OPCML: variants seen among roughly 807,000 people sequenced by gnomAD.
OPCML encodes opioid binding protein/cell adhesion molecule like, also known as opioid-binding protein/cell adhesion molecule.
A neutral mutation model predicts 37.8 loss-of-function variants in OPCML; 13 were observed. The ratio of observed to expected loss-of-function variants is 0.34; its 90% CI spans 0.22 to 0.55. The LOEUF (loss-of-function observed/expected upper bound fraction) is 0.55, where lower values mean the gene tolerates loss of function less well. Among genes scored for constraint, OPCML ranks in the 20% least tolerant of loss-of-function variants. The pLI, the probability that OPCML is intolerant of heterozygous loss-of-function variation, is 0.91. For synonymous variants in OPCML, 176 were observed against 168.8 expected (o/e 1.04, Z -0.33); for missense variants, 341 against 435.6 (o/e 0.78, Z 1.93).
intron 3 of OPCML, among the ~76,000 whole-genome samples, chr11:132,651,982 C>T (rs750335280): frequency 6.6e-5 from 10 of 152,108 alleles, no homozygotes; most frequent in Non-Finnish European, 1.0e-4. Context: ...CAACCATAGA[C>T]GGATCTTCTT....
At chr11:133,182,510 G>T (rs1336057884) in intron 1 of OPCML, among the ~76,000 whole-genome samples, 3 of 152,130 alleles carry the variant, frequency 2.0e-5, no homozygotes, top group South Asian at 2.1e-4. Context: ...GACAATTCTG[G>T]TGCTAAAGAA....
chr11:133,291,781 T>C (rs1340795685), intron 1 of OPCML, among the ~76,000 whole-genome samples: 2 of 152,230 alleles, frequency 1.3e-5, no homozygotes, highest in East Asian at 3.8e-4. Flanking sequence ...AATCTCAGCA[T>C]TTTACTCTCC....
intron 1 of OPCML, among the ~76,000 whole-genome samples, chr11:133,175,933 T>C (rs1440686457): frequency 1.3e-5 from 2 of 152,096 alleles, no homozygotes; most frequent in Non-Finnish European, 2.9e-5. Context: ...CCTAGAAGAG[T>C]TCAGCTACCA....
At chr11:132,771,534 T>C (rs1267321254) in intron 2 of OPCML, 1 of 152,260 alleles carries the variant, frequency 6.6e-6, no homozygotes, top group Non-Finnish European at 1.5e-5. Context: ...TTATTTGTTA[T>C]GTTTAGGCTC....
At chr11:133,004,475 G>T in intron 1 of OPCML, 1 of 985,442 alleles carries the variant, frequency 1.0e-6, no homozygotes, top group Non-Finnish European at 1.2e-6. Flanking sequence ...TGGTGGAGGG[G>T]ACACAGAGGC....
chr11:132,715,654 G>A (rs2135962564), intron 2 of OPCML, among the ~76,000 whole-genome samples: 1 of 152,342 alleles, frequency 6.6e-6, no homozygotes, highest in African/African-American at 2.4e-5. Context: ...ACAATGAGAA[G>A]ATGGCCGTCT....
intron 2 of OPCML, among the ~76,000 whole-genome samples, chr11:132,874,220 T>A (rs2725423): frequency 0.3 from 44,975 of 152,090 alleles, 6,811 homozygotes; most frequent in South Asian, 0.41. Context: ...TATTATCATC[T>A]TTATTATTTT....
intron 1 of OPCML, among the ~76,000 whole-genome samples, chr11:133,124,805 T>C (rs913565164): frequency 3.3e-5 from 5 of 152,194 alleles, no homozygotes; most frequent in African/African-American, 1.2e-4. Flanking sequence ...TCAATAACTT[T>C]GCCAGTAGTT....
chr11:132,901,604 T>G (rs866709011), intron 2 of OPCML, among the ~76,000 whole-genome samples: 30 of 152,216 alleles, frequency 2.0e-4, no homozygotes, highest in Admixed American at 4.6e-4. Context: ...AAATTTGGGG[T>G]GCAGGTTCCC....
chr11:132,756,201 G>A (rs376870562), intron 2 of OPCML, among the ~76,000 whole-genome samples: 102 of 152,258 alleles, frequency 6.7e-4, no homozygotes, highest in Middle Eastern at 3.4e-3. Context: ...GCCTACAAGA[G>A]GGTGTGCCTT....
At chr11:133,204,876 A>ATATATATATATATATATATGTGTGTG (rs1565502194) in intron 1 of OPCML, among the ~76,000 whole-genome samples, 1 of 30,042 alleles carries the variant, frequency 3.3e-5, no homozygotes, top group East Asian at 3.7e-4. Flanking sequence ...GTGTATATAT[A>ATATATATATATATATATATGTGTGTG]TATATATATA....
intron 1 of OPCML, chr11:133,003,693 TC>T: frequency 1.0e-6 from 1 of 985,434 alleles, no homozygotes; most frequent in Non-Finnish European, 1.2e-6. Flanking sequence ...TTCTATTGCT[TC>T]CGGTAATGAA....
At chr11:133,141,020 ACG>A in intron 1 of OPCML, among the ~76,000 whole-genome samples, 1 of 20,932 alleles carries the variant, frequency 4.8e-5, no homozygotes, top group African/African-American at 8.8e-5. Context: ...GACGACGACG[ACG>A]ACGACGACGA....
chr11:133,348,821 C>A (rs1944061180), intron 1 of OPCML, among the ~76,000 whole-genome samples: 1 of 151,958 alleles, frequency 6.6e-6, no homozygotes, highest in African/African-American at 2.4e-5. Flanking sequence ...ATATTTATAC[C>A]GTAATTATGA....
intron 3 of OPCML, among the ~76,000 whole-genome samples, chr11:132,607,418 G>A (rs962102192): frequency 6.6e-6 from 1 of 152,144 alleles, no homozygotes; most frequent in South Asian, 2.1e-4. Flanking sequence ...TGTCTCTGAA[G>A]GGCCAAACGC....
chr11:132,587,941 G>A (rs943303611), intron 3 of OPCML, among the ~76,000 whole-genome samples: 2 of 152,134 alleles, frequency 1.3e-5, no homozygotes, highest in Non-Finnish European at 2.9e-5. Context: ...TGCTCTTCCT[G>A]TTCTTGCAAT....
intron 1 of OPCML, among the ~76,000 whole-genome samples, chr11:133,286,095 GCCT>G (rs1355425700): frequency 6.6e-6 from 1 of 152,164 alleles, no homozygotes; most frequent in African/African-American, 2.4e-5. Flanking sequence ...GATAGAACCA[GCCT>G]CCTTCTGCCC....
At chr11:133,457,262 GT>G (rs1946692112) in intron 1 of OPCML, among the ~76,000 whole-genome samples, 1 of 152,152 alleles carries the variant, frequency 6.6e-6, no homozygotes, top group Non-Finnish European at 1.5e-5. Context: ...GTTGGGTACA[GT>G]GGCTTATCAC....
At chr11:132,704,739 G>A (rs965762442) in intron 2 of OPCML, among the ~76,000 whole-genome samples, 1 of 152,160 alleles carries the variant, frequency 6.6e-6, no homozygotes, top group Non-Finnish European at 1.5e-5. Context: ...TGGTAAGACT[G>A]TTTTTAATTC....
Sources: gnomAD v4.1 joint callset for allele counts (sites outside exome capture counted in the v4.1 genomes callset) on GRCh38, gnomAD v4.1.1 for gene constraint, MANE v1.5 for transcripts, NCBI Gene and HGNC (gene_info 2026-07-23, HGNC 2026-07-21) for gene names.